WDFY3: variants seen among roughly 807,000 people sequenced by gnomAD.
The protein encoded by WDFY3 is WD repeat and FYVE domain-containing protein 3.
A neutral mutation model predicts 409.6 loss-of-function variants in WDFY3; 66 were observed. The ratio of observed to expected loss-of-function variants is 0.16; its 90% CI spans 0.13 to 0.20. WDFY3 has a LOEUF of 0.20. Among genes scored for constraint, WDFY3 ranks in the 10% least tolerant of loss-of-function variants. The pLI, the probability that WDFY3 is intolerant of heterozygous loss-of-function variation, is 1.00. For missense variants in WDFY3, 3,031 were observed against 4,298.1 expected, an observed-to-expected ratio of 0.71 and a Z score of 8.24; for synonymous variants, 1,521 against 1,537.1, an observed-to-expected ratio of 0.99 and a Z score of 0.25.
intron 5 of WDFY3, 116 bp downstream of exon 5, chr4:84,849,785 TA>T: frequency 7.2e-7 from 1 of 1,395,674 alleles, no homozygotes; most frequent in Non-Finnish European, 9.7e-7. Context: ...AGGGAATGGG[TA>T]AATGAACTCA....
intron 3 of WDFY3, among the ~76,000 whole-genome samples, chr4:84,890,517 T>G (rs1764807238): frequency 6.6e-6 from 1 of 152,248 alleles, no homozygotes; most frequent in African/African-American, 2.4e-5. Flanking sequence ...TCCTGCTGGC[T>G]GCTGGGAGGC....
chr4:84,678,178 C>T lies in WDFY3; in HGVS notation c.10249G>A (p.Gly3417Ser), dbSNP rs778592238. The T allele has an allele frequency of 6.2e-7, 1 of 1,613,790 alleles. No homozygotes were observed. Among genetic ancestry groups the T allele is most frequent in the Non-Finnish European group, 8.5e-7 (1 of 1,179,846 alleles). The change falls in exon 66 of 68, where the codon GGC (glycine) becomes AGC (serine). Residue 3417 changes from glycine (G) to serine (S), a missense_variant. Physicochemically the swap from Gly to Ser is moderately conservative, Grantham distance 56. Transcript: ENST00000295888. ...AAGCCTGACACTTACTTGGAGATGCCCAAGGCAGTGACCTCAGCTGGGTGT... is the reference window on the plus strand; with the variant it reads ...AAGCCTGACACTTACTTGGAGATGCTCAAGGCAGTGACCTCAGCTGGGTGT... The part of the protein sequence containing the change: ...NAHPAEVTAL[G>S]ISKDHSRILV...
intron 3 of WDFY3, among the ~76,000 whole-genome samples, chr4:84,896,469 T>C (rs1765653991): frequency 6.6e-6 from 1 of 152,044 alleles, no homozygotes; most frequent in African/African-American, 2.4e-5. Context: ...TATATAAGCA[T>C]ATTTATAAAA....
At position 84,815,635 on chromosome 4, in the gene WDFY3, G is replaced by T. The variant is rs375385170; in HGVS notation, c.1887+1757C>A. On this transcript the variant is annotated intron_variant, in intron 13 of 67. Transcript: ENST00000295888. ...ATTTCATAGAAAGTCCTCCAATTAG[G>T]ATTTATCTGATGTTTTCTAATAATC... Among the ~76,000 whole-genome samples, 13 of 152,060 alleles carry T rather than the reference G, an allele frequency of 8.5e-5. No homozygotes were observed. In the East Asian group the frequency reaches 2.3e-3, roughly 27 times the overall value.
Position 84,797,706 on chromosome 4 carries a change from G to A in WDFY3, c.2935+290C>T, listed in dbSNP as rs1033600694. ...CGCCATTCTCCTGCCTCAGCCTCCCGAGTAGCTGGGACTACAGGCGCCTGC... is the reference window on the plus strand; with the variant it reads ...CGCCATTCTCCTGCCTCAGCCTCCCAAGTAGCTGGGACTACAGGCGCCTGC... On this transcript the variant is annotated intron_variant, in intron 18 of 67. Transcript: ENST00000295888. 7.2e-5 allele frequency among the ~76,000 whole-genome samples: 11 copies of A among 151,792 alleles called. No homozygotes were observed. The South Asian group carries it at 1.0e-3, about 14-fold the overall frequency.
intron 1 of WDFY3, among the ~76,000 whole-genome samples, chr4:84,947,426 C>T (rs1274804803): frequency 2.0e-5 from 3 of 150,740 alleles, no homozygotes; most frequent in South Asian, 2.1e-4. Flanking sequence ...GCAGGAGAAT[C>T]GCTTGAACTC....
At chr4:84,735,616 C>T (rs144056655) in intron 42 of WDFY3, among the ~76,000 whole-genome samples, 60 of 152,286 alleles carry the variant, frequency 3.9e-4, no homozygotes, top group African/African-American at 1.3e-3. Flanking sequence ...CCCTAATATA[C>T]ATTATGCACA....
chr4:84,790,017 G>A (rs746659469), intron 21 of WDFY3, 110 bp from the exon 22 acceptor site: 21 of 1,166,488 alleles, frequency 1.8e-5, no homozygotes, highest in Non-Finnish European at 2.4e-5. Context: ...AAATAATGAT[G>A]CAGACTGATT....
At chr4:84,771,662 T>A (rs918829537) in intron 30 of WDFY3, among the ~76,000 whole-genome samples, 7 of 152,168 alleles carry the variant, frequency 4.6e-5, no homozygotes, top group African/African-American at 1.7e-4. Flanking sequence ...CTTTTACTTG[T>A]ATCTTTTTGG....
chr4:84,786,666 A>G (rs945072009), intron 23 of WDFY3, among the ~76,000 whole-genome samples: 1 of 152,202 alleles, frequency 6.6e-6, no homozygotes, highest in African/African-American at 2.4e-5. Flanking sequence ...TTTGTGCCTC[A>G]GTTTCCTCTT....
intron 5 of WDFY3, among the ~76,000 whole-genome samples, chr4:84,844,022 C>T (rs1481443348): frequency 6.6e-6 from 1 of 152,106 alleles, no homozygotes; most frequent in African/African-American, 2.4e-5. Flanking sequence ...TTTCACACTG[C>T]ATTTCAATAC....
intron 3 of WDFY3, among the ~76,000 whole-genome samples, chr4:84,874,068 A>C (rs1762461891): frequency 6.6e-6 from 1 of 151,562 alleles, no homozygotes. Context: ...GGTGTGAGCC[A>C]CCGCCCCAGG....
intron 3 of WDFY3, among the ~76,000 whole-genome samples, chr4:84,870,697 C>A (rs1382359212): frequency 1.3e-5 from 2 of 152,036 alleles, no homozygotes; most frequent in Non-Finnish European, 2.9e-5. Context: ...TCTTCCACTC[C>A]AGCCCCTTTG....
In WDFY3 at chr4:84,849,982, G is replaced by A; in HGVS notation, c.224C>T (p.Ser75Phe). The change falls in exon 5 of 68, where the codon TCT (serine) becomes TTT (phenylalanine). Residue 75 changes from serine (S) to phenylalanine (F), a missense_variant. Around this residue, in one of 16 missense-constraint regions of WDFY3, gnomAD observed 1,322 missense variants for 1,697.9 expected, o/e 0.78. Transcript: ENST00000295888. ...APPNTMTEKFSDLLQFTTQVS... is the reference protein window; with the variant it reads ...APPNTMTEKFFDLLQFTTQVS... ...TTGTGTTGTGAACTGCAGAAGATCA[G>A]AAAATTTTTCTGTCATTGTATTCGG... 1 of 1,608,534 alleles carries A rather than the reference G, an allele frequency of 6.2e-7. No individual in the cohort carries two copies. Among genetic ancestry groups the A allele is most frequent in the Non-Finnish European group, 8.5e-7 (1 of 1,177,788 alleles).
At chr4:84,925,679 T>C (rs1341606821) in intron 2 of WDFY3, among the ~76,000 whole-genome samples, 2 of 152,200 alleles carry the variant, frequency 1.3e-5, no homozygotes, top group African/African-American at 2.4e-5. Flanking sequence ...CACAGTATTA[T>C]TGTTCTTTTT....
chr4:84,953,175 A>C (rs1773822049), intron 1 of WDFY3, among the ~76,000 whole-genome samples: 1 of 152,154 alleles, frequency 6.6e-6, no homozygotes, highest in Admixed American at 6.5e-5. Context: ...ATGTGAAATA[A>C]GCCAGACACC....
intron 32 of WDFY3, 63 bp from the exon 33 acceptor site, chr4:84,757,224 C>G: frequency 4.8e-6 from 7 of 1,453,204 alleles, no homozygotes; most frequent in East Asian, 2.3e-5. Context: ...GCTGCATTAA[C>G]AAAGAAGGAA....
chr4:84,905,126 A>C (rs1000010736), intron 2 of WDFY3, among the ~76,000 whole-genome samples: 6 of 152,206 alleles, frequency 3.9e-5, no homozygotes, highest in Admixed American at 3.9e-4. Context: ...ACTTGAGGTC[A>C]GGAGTTCGAG....
chr4:84,752,078 TA>T (rs2149300621), intron 35 of WDFY3, among the ~76,000 whole-genome samples: 1 of 152,150 alleles, frequency 6.6e-6, no homozygotes, highest in Admixed American at 6.5e-5. Context: ...GAATTTCACA[TA>T]AAAATCTGGC....
Sources: allele counts gnomAD v4.1 joint callset (sites outside exome capture counted in the v4.1 genomes callset), GRCh38; gene constraint gnomAD v4.1.1; regional missense constraint gnomAD v4.1.1; transcripts MANE v1.5; gene names NCBI Gene and HGNC (gene_info 2026-07-23, HGNC 2026-07-21).